BCAS3: variants seen among roughly 807,000 people sequenced by gnomAD.
BCAS3 encodes the protein BCAS4/BCAS3 fusion.
In BCAS3, 53 loss-of-function variants were observed where a neutral mutation model predicts 116.1. The ratio of observed to expected loss-of-function variants is 0.46; its 90% CI spans 0.37 to 0.57. The LOEUF (loss-of-function observed/expected upper bound fraction) is 0.57, where lower values mean the gene tolerates loss of function less well. BCAS3 is among the 20% of genes least tolerant of loss of function. BCAS3 has a pLI of 0.00. For synonymous variants in BCAS3, 391 were observed against 408.2 expected (o/e 0.96, Z 0.51); for missense variants, 917 against 1,165.4 (o/e 0.79, Z 3.10).
At chr17:60,875,837 T>G (rs1351728145) in intron 9 of BCAS3, among the ~76,000 whole-genome samples, 1 of 151,992 alleles carries the variant, frequency 6.6e-6, no homozygotes, top group Non-Finnish European at 1.5e-5. Flanking sequence ...TTGGGAAATA[T>G]ATACATATAT....
At chr17:60,800,740 T>C (rs897132247) in intron 6 of BCAS3, among the ~76,000 whole-genome samples, 2 of 152,206 alleles carry the variant, frequency 1.3e-5, no homozygotes, top group African/African-American at 2.4e-5. Context: ...AAATCTGTGA[T>C]CAATTTTGTG....
chr17:61,308,560 ACAAAAGG>A (rs2054042606), intron 22 of BCAS3, among the ~76,000 whole-genome samples: 2 of 152,174 alleles, frequency 1.3e-5, no homozygotes, highest in South Asian at 4.2e-4. Flanking sequence ...GGTGAGTAAG[ACAAAAGG>A]CAGCGTGATC....
intron 22 of BCAS3, among the ~76,000 whole-genome samples, chr17:61,182,417 C>G (rs2079535691): frequency 6.6e-6 from 1 of 152,076 alleles, no homozygotes; most frequent in Non-Finnish European, 1.5e-5. Context: ...CTAGCCATCA[C>G]CCATCTTCAA....
At chr17:60,998,438 G>A (rs1600336867) in intron 15 of BCAS3, among the ~76,000 whole-genome samples, 1 of 152,150 alleles carries the variant, frequency 6.6e-6, no homozygotes, top group East Asian at 1.9e-4. Context: ...CTTTCCACAG[G>A]GACTGAACTA....
chr17:61,224,464 G>A lies in BCAS3; in HGVS notation c.2425+139900G>A, dbSNP rs1221647108. Among the ~76,000 whole-genome samples, 1 of 152,200 alleles carries A rather than the reference G, an allele frequency of 6.6e-6. No individual in the cohort carries two copies. Among genetic ancestry groups the A allele is most frequent in the Non-Finnish European group, 1.5e-5 (1 of 68,022 alleles). On this transcript the variant is annotated intron_variant, in intron 22 of 23. Transcript: ENST00000407086. This position sits in a 1 kb window ranked among gnomAD's most constrained non-coding sequence, Gnocchi z 5.7. ...GAGAACAGTGCTCGGAAAACAGGGT[G>A]TACATATGGGGACGAGCAGGTGGTT...
In BCAS3 at chr17:61,026,906, C is replaced by G. The variant is rs1355295760; in HGVS notation, c.1638-7760C>G. On this transcript the variant is annotated intron_variant, in intron 16 of 23. Transcript: ENST00000407086. The surrounding 1 kb of genome is among the most constrained non-coding windows in gnomAD (Gnocchi z 5.0). ...AGCGGGGTGTTTTTCCATAAAAGCCCCATGGTGAGTTCCAGTTCAGTCCCG... is the reference window on the plus strand; with the variant it reads ...AGCGGGGTGTTTTTCCATAAAAGCCGCATGGTGAGTTCCAGTTCAGTCCCG... 6.2e-7 allele frequency: 1 copy of G among 1,601,218 alleles called. No individual in the cohort carries two copies. Among genetic ancestry groups the G allele is most frequent in the Admixed American group, 1.7e-5 (1 of 58,584 alleles).
intron 6 of BCAS3, among the ~76,000 whole-genome samples, chr17:60,771,709 A>G (rs916960707): frequency 1.2e-4 from 18 of 152,066 alleles, no homozygotes; most frequent in Non-Finnish European, 2.2e-4. Flanking sequence ...CTGTCCCCCT[A>G]TCCCACGACA....
At position 61,219,355 on chromosome 17, in the gene BCAS3, C is replaced by A. The variant is rs1167139743; in HGVS notation, c.2425+134791C>A. On this transcript the variant is annotated intron_variant, in intron 22 of 23. Coordinates refer to ENST00000407086, the MANE Select transcript of BCAS3 (RefSeq NM_017679.5). This position sits in a 1 kb window ranked among gnomAD's most constrained non-coding sequence, Gnocchi z 5.2. ...TTCCTAGGGAGTTTTGGGAGTCATGCAGTGATCAGGTTCAGGACTTTTGGG... is the reference window on the plus strand; with the variant it reads ...TTCCTAGGGAGTTTTGGGAGTCATGAAGTGATCAGGTTCAGGACTTTTGGG... Among the ~76,000 whole-genome samples the A allele has an allele frequency of 6.6e-6, 1 of 152,110 alleles. No homozygotes were observed. The highest frequency in any genetic ancestry group is 6.5e-5 in the Admixed American group (1 of 15,274).
chr17:61,245,013 C>T (rs1468381248), intron 22 of BCAS3, among the ~76,000 whole-genome samples: 2 of 152,188 alleles, frequency 1.3e-5, no homozygotes, highest in Admixed American at 1.3e-4. Flanking sequence ...TCAGTCCATT[C>T]TCACGCTGCT....
intron 6 of BCAS3, among the ~76,000 whole-genome samples, chr17:60,777,313 A>G (rs1292875696): frequency 6.6e-6 from 1 of 152,070 alleles, no homozygotes; most frequent in African/African-American, 2.4e-5. Flanking sequence ...ACTCTTGTTT[A>G]CCTCAATCAC....
At chr17:61,121,127 G>C (rs995779181) in intron 22 of BCAS3, among the ~76,000 whole-genome samples, 1 of 151,984 alleles carries the variant, frequency 6.6e-6, no homozygotes, top group Non-Finnish European at 1.5e-5. Context: ...TTGAAAAAAA[G>C]GGGTTTATTT....
At chr17:61,314,361 A>T (rs2054566411) in intron 22 of BCAS3, among the ~76,000 whole-genome samples, 1 of 152,194 alleles carries the variant, frequency 6.6e-6, no homozygotes, top group Admixed American at 6.5e-5. Context: ...GTGCCCACAG[A>T]GCTGACAAGT....
At chr17:61,155,062 T>C (rs1446073094) in intron 22 of BCAS3, among the ~76,000 whole-genome samples, 1 of 152,192 alleles carries the variant, frequency 6.6e-6, no homozygotes, top group Admixed American at 6.5e-5. Flanking sequence ...ATGAGACATG[T>C]CAGGCATCGT....
chr17:61,001,695 T>C (rs1309246970), intron 15 of BCAS3, among the ~76,000 whole-genome samples: 15 of 152,296 alleles, frequency 9.8e-5, no homozygotes, highest in African/African-American at 3.6e-4. Context: ...AGTACCTGGA[T>C]TTTTATTGAT....
intron 4 of BCAS3, among the ~76,000 whole-genome samples, chr17:60,690,189 C>T (rs1341811029): frequency 1.3e-5 from 2 of 152,130 alleles, no homozygotes; most frequent in Non-Finnish European, 2.9e-5. Flanking sequence ...ACAGTATTTG[C>T]CTTTTTGTAA....
At chr17:61,264,952 GAGAAATTGCTCTAC>G (rs2049547902) in intron 22 of BCAS3, among the ~76,000 whole-genome samples, 1 of 152,240 alleles carries the variant, frequency 6.6e-6, no homozygotes, top group Non-Finnish European at 1.5e-5. Flanking sequence ...GTATGATAGA[GAGAAATTGCTCTAC>G]AGAGAAATTG....
chr17:60,967,472 T>C lies in BCAS3; in HGVS notation c.1221+20120T>C, dbSNP rs2061720936. Among the ~76,000 whole-genome samples the C allele has an allele frequency of 6.6e-6, 1 of 152,246 alleles. No homozygotes were observed. The highest frequency in any genetic ancestry group is 2.4e-5 in the African/African-American group (1 of 41,468). On this transcript the variant is annotated intron_variant, in intron 14 of 23. Coordinates refer to ENST00000407086, the MANE Select transcript of BCAS3 (RefSeq NM_017679.5). The surrounding 1 kb of genome is among the most constrained non-coding windows in gnomAD (Gnocchi z 4.7). ...TCGTGCTGTTTTTAGGATCTTCTCT[T>C]TGTCCTTGACCTTTGAGAGTTTCAT...
intron 22 of BCAS3, among the ~76,000 whole-genome samples, chr17:61,192,988 A>G (rs984249371): frequency 6.6e-6 from 1 of 152,234 alleles, no homozygotes; most frequent in Non-Finnish European, 1.5e-5. Context: ...ACTGCGGGGC[A>G]CTGTGGCTCA....
chr17:60,947,453 G>C (rs1301431127), intron 14 of BCAS3, 101 bp downstream of exon 14: 1 of 1,275,708 alleles, frequency 7.8e-7, no homozygotes, highest in Non-Finnish European at 1.1e-6. Flanking sequence ...TGATGTTTGT[G>C]AGAAAATATT....
Sources: gnomAD v4.1 joint callset for allele counts (sites outside exome capture counted in the v4.1 genomes callset) on GRCh38, gnomAD v4.1.1 for gene constraint, Gnocchi (gnomAD v3.1) non-coding constraint, MANE v1.5 for transcripts, NCBI Gene and HGNC (gene_info 2026-07-23, HGNC 2026-07-21) for gene names.